NBAS: variants seen among roughly 807,000 people sequenced by gnomAD.
NBAS encodes NAG/BC035112 fusion.
A neutral mutation model predicts 302.5 loss-of-function variants in NBAS; 219 were observed. The ratio of observed to expected loss-of-function variants is 0.72; its 90% CI spans 0.65 to 0.81. The LOEUF is 0.81. NBAS is among the 30% of genes least tolerant of loss of function. The pLI is 0.00. For missense variants in NBAS, 2,932 were observed against 2,841.6 expected, an observed-to-expected ratio of 1.03 and a Z score of -0.72; for synonymous variants, 1,118 against 1,021.6, an observed-to-expected ratio of 1.09 and a Z score of -1.80.
chr2:15,258,403 G>A (rs184002265), intron 44 of NBAS, among the ~76,000 whole-genome samples: 9 of 152,174 alleles, frequency 5.9e-5, no homozygotes, highest in African/African-American at 2.2e-4. Flanking sequence ...GGCAAAAAGA[G>A]CCATATTTTT....
intron 44 of NBAS, among the ~76,000 whole-genome samples, chr2:15,250,300 A>G (rs1260814360): frequency 6.6e-6 from 1 of 152,206 alleles, no homozygotes; most frequent in Non-Finnish European, 1.5e-5. Flanking sequence ...TACACTTTAA[A>G]CAAAAATTAA....
intron 40 of NBAS, among the ~76,000 whole-genome samples, chr2:15,300,890 C>A (rs1036556147): frequency 1.3e-5 from 2 of 152,178 alleles, no homozygotes; most frequent in African/African-American, 4.8e-5. Flanking sequence ...AGATGGGGAA[C>A]TGGATCTGCA....
rs1316054493 is a variant in NBAS, at chr2:15,218,892, G to T, written c.6313C>A (p.Pro2105Thr). The T allele has an allele frequency of 6.2e-7, 1 of 1,614,260 alleles. No homozygotes were observed. Among genetic ancestry groups the T allele is most frequent in the Admixed American group, 1.7e-5 (1 of 60,036 alleles). Residue 2105 changes from proline to threonine, a missense_variant, in exon 48 of 52, where the codon CCC (proline) becomes ACC (threonine). Coordinates refer to ENST00000281513, the MANE Select transcript of NBAS (RefSeq NM_015909.4). ...AAAATCTGCAGCACGTGAATGCGGGGCCGCACCGGCCAGGCGTCATCAGCA... is the reference window on the plus strand; with the variant it reads ...AAAATCTGCAGCACGTGAATGCGGGTCCGCACCGGCCAGGCGTCATCAGCA... ...FCADDAWPVR[P>T]RIHVLQILGQ...
At position 15,401,219 on chromosome 2, in the gene NBAS, AC is replaced by A. The variant is rs545227333; in HGVS notation, c.3071+948del. Among the ~76,000 whole-genome samples, 59 of 152,264 alleles carry A rather than the reference AC, an allele frequency of 3.9e-4. No individual in the cohort carries two copies. The East Asian group carries it at 0.011, about 28-fold the overall frequency. ...CATCAATCTTTCACCTGATTTCAGTACCACTAATGACTGCATGAATAACTCT... is the reference window on the plus strand; with the variant it reads ...CATCAATCTTTCACCTGATTTCAGTACACTAATGACTGCATGAATAACTCT... On this transcript the variant is annotated intron_variant, in intron 26 of 51. Coordinates refer to ENST00000281513, the MANE Select transcript of NBAS (RefSeq NM_015909.4).
chr2:15,232,346 A>G, intron 47 of NBAS, 76 bp downstream of exon 47: 1 of 1,393,124 alleles, frequency 7.2e-7, no homozygotes, highest in Non-Finnish European at 1.0e-6. Context: ...AGCCTCATAC[A>G]TACGGATACT....
Position 15,179,126 on chromosome 2 carries a change from C to A in NBAS, c.6712-10G>T, listed in dbSNP as rs967704371. The A allele has an allele frequency of 6.2e-7, 1 of 1,613,998 alleles. No individual in the cohort carries two copies. Among genetic ancestry groups the A allele is most frequent in the Non-Finnish European group, 8.5e-7 (1 of 1,179,968 alleles). On this transcript the variant is annotated splice_polypyrimidine_tract_variant and intron_variant, in intron 50 of 51. Transcript: ENST00000281513. ...ACAGCTCCTTCACACCCTGAAACCACAGAGCAGGGGTGAGCGAGAACTCCA... is the reference window on the plus strand; with the variant it reads ...ACAGCTCCTTCACACCCTGAAACCAAAGAGCAGGGGTGAGCGAGAACTCCA...
At chr2:15,096,376 C>T in the NBAS span, among the ~76,000 whole-genome samples, 1 of 152,214 alleles carries the variant, frequency 6.6e-6, no homozygotes, top group African/African-American at 2.4e-5. Context: ...AAGACCCAGC[C>T]TCTCTGGGGC....
intron 47 of NBAS, among the ~76,000 whole-genome samples, chr2:15,223,674 C>T (rs1364479873): frequency 2.6e-5 from 4 of 151,712 alleles, no homozygotes; most frequent in Admixed American, 6.6e-5. Flanking sequence ...ATTAAAAATA[C>T]AAAAATTAGC....
chr2:15,008,834 A>G, the NBAS span, among the ~76,000 whole-genome samples: 1 of 152,178 alleles, frequency 6.6e-6, no homozygotes, highest in Non-Finnish European at 1.5e-5. Context: ...TTTTAAAAAC[A>G]CTTATATGGG....
At chr2:15,166,806 T>G, downstream of NBAS, 1 of 458,816 alleles carries the variant, frequency 2.2e-6, no homozygotes, top group Non-Finnish European at 3.7e-6. Flanking sequence ...AAAGGCAGGT[T>G]GAAATAAAAA....
chr2:15,448,655 A>G (rs1261390052), intron 21 of NBAS, among the ~76,000 whole-genome samples: 2 of 152,146 alleles, frequency 1.3e-5, no homozygotes, highest in African/African-American at 4.8e-5. Flanking sequence ...TGGCATCTAA[A>G]CTTTTAGGAT....
At chr2:14,913,184 T>C in the NBAS span, among the ~76,000 whole-genome samples, 3 of 152,162 alleles carry the variant, frequency 2.0e-5, no homozygotes, top group Admixed American at 6.5e-5. Flanking sequence ...GCAATCCGCA[T>C]TGGCATTTAG....
At chr2:14,797,386 G>A in the NBAS span, among the ~76,000 whole-genome samples, 2 of 152,188 alleles carry the variant, frequency 1.3e-5, no homozygotes, top group African/African-American at 4.8e-5. Context: ...CCAGCACTGG[G>A]CATCCATCCC....
At chr2:15,115,954 C>T in the NBAS span, among the ~76,000 whole-genome samples, 1 of 152,184 alleles carries the variant, frequency 6.6e-6, no homozygotes, top group African/African-American at 2.4e-5. Flanking sequence ...TCTACTCCTT[C>T]CTCATTTGTG....
intron 35 of NBAS, among the ~76,000 whole-genome samples, chr2:15,340,798 G>A (rs976452120): frequency 2.0e-5 from 3 of 152,098 alleles, no homozygotes; most frequent in Non-Finnish European, 4.4e-5. Context: ...AGACGACCGA[G>A]ATGTCCCTGA....
At chr2:15,240,667 T>A (rs1255639634) in intron 44 of NBAS, among the ~76,000 whole-genome samples, 1 of 151,928 alleles carries the variant, frequency 6.6e-6, no homozygotes, top group Non-Finnish European at 1.5e-5. Context: ...TAATCCTATA[T>A]AAATATTGAT....
intron 48 of NBAS, among the ~76,000 whole-genome samples, chr2:15,193,899 C>G (rs190814842): frequency 1.3e-5 from 2 of 151,884 alleles, no homozygotes; most frequent in Middle Eastern, 3.2e-3. Flanking sequence ...ATAAAAGAGA[C>G]AGTGAAGGGA....
chr2:15,093,804 G>A, the NBAS span, among the ~76,000 whole-genome samples: 1 of 152,052 alleles, frequency 6.6e-6, no homozygotes, highest in Non-Finnish European at 1.5e-5. Flanking sequence ...GAATAATCAA[G>A]CCTGGCTATT....
intron 44 of NBAS, among the ~76,000 whole-genome samples, chr2:15,245,108 T>C (rs186940137): frequency 6.6e-6 from 1 of 152,232 alleles, no homozygotes; most frequent in Admixed American, 6.5e-5. Flanking sequence ...CACGATGGTA[T>C]CTTAAAAACA....
Sources: allele counts gnomAD v4.1 joint callset (sites outside exome capture counted in the v4.1 genomes callset), GRCh38; gene constraint gnomAD v4.1.1; transcripts MANE v1.5; gene names NCBI Gene and HGNC (gene_info 2026-07-23, HGNC 2026-07-21).